U2SURP: variants seen among roughly 807,000 people sequenced by gnomAD.
The protein encoded by U2SURP is U2 snRNP associated SURP domain containing, also known as U2 snRNP-associated SURP motif-containing protein.
Under a neutral mutation model 144.9 loss-of-function variants are expected in U2SURP, and 9 were observed. The ratio of observed to expected loss-of-function variants is 0.06; its 90% CI spans 0.04 to 0.11. The LOEUF (loss-of-function observed/expected upper bound fraction) is 0.11, where lower values mean the gene tolerates loss of function less well. Ranked by LOEUF, U2SURP falls within the 10% of genes least tolerant of loss-of-function variation. The probability of loss-of-function intolerance (pLI) is 1.00; values close to 1 mark genes in which losing one functional copy is unlikely to be tolerated. For synonymous variants in U2SURP, 408 were observed against 396.8 expected (o/e 1.03, Z -0.33); for missense variants, 724 against 1,226.7 (o/e 0.59, Z 6.12).
In U2SURP at chr3:143,025,585, A is replaced by G. The variant is rs1036985993; in HGVS notation, c.1275-1564A>G. 5.3e-5 allele frequency among the ~76,000 whole-genome samples: 8 copies of G among 152,298 alleles called. No individual in the cohort carries two copies. In the East Asian group the frequency reaches 5.8e-4, roughly 11 times the overall value. On this transcript the variant is annotated intron_variant, in intron 13 of 27. Coordinates refer to ENST00000473835, the MANE Select transcript of U2SURP (RefSeq NM_001080415.2). ...ACTTTACATTATCGCCCTTCCTTCA[A>G]AATAATGTCATTAACCATATGAATG...
At chr3:143,032,972 G>C (rs762176425) in intron 17 of U2SURP, 26 bp downstream of exon 17, 2 of 1,599,734 alleles carry the variant, frequency 1.3e-6, no homozygotes, top group South Asian at 2.3e-5. Flanking sequence ...TTAAGAAAAG[G>C]GGAGATAGTT....
rs374875991 is a variant in U2SURP, at chr3:143,017,583, A to C, written c.570+608A>C. 6.9e-3 allele frequency among the ~76,000 whole-genome samples: 1,040 copies of C among 151,404 alleles called. 9 individuals are homozygous for C. Among genetic ancestry groups the C allele is most frequent in the African/African-American group, 0.023 (939 of 41,224 alleles). ...TATCTCTAAAAGCAATGAAAAAAAA[A>C]CCCCAGCTTTATTGAGATATAATTC... On this transcript the variant is annotated intron_variant, in intron 6 of 27. Coordinates refer to ENST00000473835, the MANE Select transcript of U2SURP (RefSeq NM_001080415.2).
chr3:143,051,685 T>C lies in U2SURP; in HGVS notation c.2655+636T>C, dbSNP rs150385418. The stretch of plus-strand genomic sequence containing the variant: ...TAGGAAAGAGCCATAAAAAGGGAAC[T>C]TACAATCACTATAAAGCTGTTAATG... On this transcript the variant is annotated intron_variant, in intron 25 of 27. Coordinates refer to ENST00000473835, the MANE Select transcript of U2SURP (RefSeq NM_001080415.2). Among the ~76,000 whole-genome samples the C allele has an allele frequency of 8.5e-3, 1,280 of 150,424 alleles. 19 individuals carry two copies. Among genetic ancestry groups the C allele is most frequent in the African/African-American group, 0.03 (1,239 of 40,958 alleles).
rs914455637 is a variant in U2SURP, at chr3:143,023,074, A to T, written c.1230+10A>T. ...AGAGGATTTTGAGAAGGTAATTTAA[A>T]AAATGGACATAAGGCCGCATCTAAT... On this transcript the variant is annotated intron_variant, in intron 12 of 27. Coordinates refer to ENST00000473835, the MANE Select transcript of U2SURP (RefSeq NM_001080415.2). The T allele has an allele frequency of 1.9e-6, 3 of 1,583,012 alleles. No homozygotes were observed. Among genetic ancestry groups the T allele is most frequent in the Non-Finnish European group, 1.7e-6 (2 of 1,163,862 alleles).
chr3:143,029,287 C>G (rs972814415), intron 16 of U2SURP, among the ~76,000 whole-genome samples: 5 of 152,166 alleles, frequency 3.3e-5, no homozygotes, highest in African/African-American at 1.2e-4. Flanking sequence ...TTACTGTGCT[C>G]TGCAGATACA....
intron 1 of U2SURP, among the ~76,000 whole-genome samples, chr3:143,010,080 A>G (rs1392032186): frequency 1.3e-5 from 2 of 152,238 alleles, no homozygotes; most frequent in African/African-American, 2.4e-5. Flanking sequence ...GAAAGATAGC[A>G]TACATTATTT....
intron 27 of U2SURP, 128 bp downstream of exon 27, chr3:143,055,247 A>G (rs1446983096): frequency 1.2e-6 from 1 of 825,252 alleles, no homozygotes; most frequent in East Asian, 2.9e-5. Flanking sequence ...CCAAAGAGAT[A>G]CACTTTCATT....
intron 24 of U2SURP, among the ~76,000 whole-genome samples, chr3:143,050,085 T>A (rs1306275358): frequency 3.9e-5 from 6 of 152,230 alleles, no homozygotes; most frequent in Middle Eastern, 6.8e-3. Flanking sequence ...TTTTTTTTTT[T>A]ATTTTAGACG....
chr3:143,034,343 G>C (rs981746116), intron 18 of U2SURP, among the ~76,000 whole-genome samples: 1 of 152,056 alleles, frequency 6.6e-6, no homozygotes, highest in African/African-American at 2.4e-5. Flanking sequence ...GGCGGAGGTT[G>C]CAGTGAGCCG....
chr3:143,005,809 C>T (rs895929552), intron 1 of U2SURP, among the ~76,000 whole-genome samples: 4 of 151,462 alleles, frequency 2.6e-5, no homozygotes, highest in Admixed American at 2.6e-4. Context: ...ATTTAGTATG[C>T]CGGTTGAAGT....
In U2SURP at chr3:143,056,267, A is replaced by G. The variant is rs746714474; in HGVS notation, c.2952-45A>G. The G allele has an allele frequency of 7.1e-6, 11 of 1,545,198 alleles. No individual in the cohort carries two copies. In the East Asian group the frequency reaches 2.3e-4, roughly 33 times the overall value. On this transcript the variant is annotated intron_variant, in intron 27 of 27. Transcript: ENST00000473835. ...CGTTTAAGGATAAACAGTTTTGATC[A>G]CATGAGTACTTTATCAATTGGGATT...
At chr3:143,032,210 T>G (rs1469980317) in intron 16 of U2SURP, among the ~76,000 whole-genome samples, 3 of 152,046 alleles carry the variant, frequency 2.0e-5, no homozygotes, top group African/African-American at 4.8e-5. Flanking sequence ...GTAGCTGGCA[T>G]TATAGGTGCC....
chr3:143,010,318 G>C lies in U2SURP; in HGVS notation c.46-497G>C, dbSNP rs1227867067. Among the ~76,000 whole-genome samples, 3 of 152,232 alleles carry C rather than the reference G, an allele frequency of 2.0e-5. No individual in the cohort carries two copies. In the East Asian group the frequency reaches 5.8e-4, roughly 29 times the overall value. The stretch of plus-strand genomic sequence containing the variant: ...CGAGTTGTAAATGGTGCCTTATTGG[G>C]GATTTGATAATATTTTCTGGAACTT... On this transcript the variant is annotated intron_variant, in intron 1 of 27. Coordinates refer to ENST00000473835, the MANE Select transcript of U2SURP (RefSeq NM_001080415.2).
At chr3:143,021,674 T>G in intron 10 of U2SURP, 119 bp downstream of exon 10, 2 of 987,400 alleles carry the variant, frequency 2.0e-6, no homozygotes, top group Non-Finnish European at 3.0e-6. Flanking sequence ...GGATAGTCTT[T>G]AGAGTTGTCT....
rs370001111 is a variant in U2SURP, at chr3:143,028,655, T to C, written c.1610+9T>C. 607 of 1,584,586 alleles carry C rather than the reference T, an allele frequency of 3.8e-4. 4 individuals are homozygous for C. The African/African-American group carries it at 7.6e-3, about 20-fold the overall frequency. ...GGAGCACTTAAGGAAGAGTAAGATA[T>C]TTTTCCTTTCTATTATATATTCAGA... On this transcript the variant is annotated intron_variant, in intron 16 of 27. Coordinates refer to ENST00000473835, the MANE Select transcript of U2SURP (RefSeq NM_001080415.2).
intron 16 of U2SURP, 108 bp downstream of exon 16, chr3:143,028,754 G>C: frequency 2.2e-6 from 2 of 910,158 alleles, no homozygotes; most frequent in Non-Finnish European, 3.2e-6. Context: ...TTTTTCACTT[G>C]TGAATGTTTA....
intron 24 of U2SURP, among the ~76,000 whole-genome samples, chr3:143,050,456 A>G (rs1934797143): frequency 6.6e-6 from 1 of 152,130 alleles, no homozygotes; most frequent in Non-Finnish European, 1.5e-5. Flanking sequence ...GTGTTTTGAT[A>G]TCTGGTGATT....
chr3:143,022,771 A>C, intron 11 of U2SURP, 82 bp from the exon 12 acceptor site: 1 of 1,464,248 alleles, frequency 6.8e-7, no homozygotes, highest in South Asian at 1.4e-5. Context: ...GGTTAAAATG[A>C]AAATTATTTC....
In U2SURP at chr3:143,034,863, A is replaced by G. The variant is rs762253291; in HGVS notation, c.1854-25A>G. On this transcript the variant is annotated intron_variant, in intron 18 of 27. Transcript: ENST00000473835. ...AAAGGAATTTTAAACATTTTATTTT[A>G]AAGAATGTGTTATTTGAATTTCAGT... 3 of 1,451,754 alleles carry G rather than the reference A, an allele frequency of 2.1e-6. No individual in the cohort carries two copies. In the East Asian group the frequency reaches 7.0e-5, roughly 34 times the overall value. The allele number at this position is 1,451,754 out of a possible 1,614,324, so 89.9% of individuals were successfully genotyped here.
Sources: allele counts gnomAD v4.1 joint callset (sites outside exome capture counted in the v4.1 genomes callset), GRCh38; gene constraint gnomAD v4.1.1; transcripts MANE v1.5; gene names NCBI Gene and HGNC (gene_info 2026-07-23, HGNC 2026-07-21).